The following ADAMTS8 variants were observed in gnomAD, a reference collection of about 807,000 sequenced individuals.
ADAMTS8 encodes the protein ADAM metallopeptidase with thrombospondin type 1 motif 8, also known as A disintegrin and metalloproteinase with thrombospondin motifs 8.
ADAMTS8 carries 50 observed loss-of-function variants against 64.4 expected under a neutral mutation model. The ratio of observed to expected loss-of-function variants is 0.78; its 90% CI spans 0.62 to 0.98. The LOEUF is 0.98. Among genes scored for constraint, ADAMTS8 ranks in the 50% least tolerant of loss-of-function variants. The pLI is 0.00. For synonymous variants in ADAMTS8, 556 were observed against 533.6 expected (o/e 1.04, Z -0.58); for missense variants, 1,192 against 1,208.2 (o/e 0.99, Z 0.20).
chr11:130,422,252 C>T (rs1862109445), intron 1 of ADAMTS8, among the ~76,000 whole-genome samples: 6 of 151,820 alleles, frequency 4.0e-5, no homozygotes, highest in Admixed American at 3.9e-4. Flanking sequence ...ATAGTGAGAT[C>T]CTGTCTCTAT....
rs966766773 is a variant in ADAMTS8, at chr11:130,409,723, G to A, written c.1751-783C>T. ...GCCTGCCTCCTCTCCATCCTGCCAC[G>A]TGCTGCTGCCAGACCAACCCATCTG... On this transcript the variant is annotated intron_variant, in intron 6 of 8. Transcript: ENST00000257359. Among the ~76,000 whole-genome samples the A allele has an allele frequency of 2.0e-4, 31 of 152,326 alleles. 1 individual carries two copies. The highest frequency in any genetic ancestry group is 7.5e-4 in the African/African-American group (31 of 41,572).
rs532999420 is a variant in ADAMTS8 at position 130,427,751 on chromosome 11, C to T, written c.536G>A (p.Arg179Lys). Residue 179 changes from arginine (R) to lysine (K), a missense_variant, in exon 1 of 9, where the codon AGA (arginine) becomes AAA (lysine). Physicochemically the swap from Arg to Lys is conservative, Grantham distance 26. Around this residue, in one of 5 missense-constraint regions of ADAMTS8, gnomAD observed 741 missense variants for 710.6 expected, o/e 1.04. Coordinates refer to ENST00000257359, the MANE Select transcript of ADAMTS8 (RefSeq NM_007037.6). ...CTCGCTGTCCTCCTGGTGGTCTCCT[C>T]TCTCCTGCCTCTGACCCTCTCCCGT... is the stretch of plus-strand genomic sequence containing the variant. ...VETGEGQRQE[R>K]GDHQEDSEEE... 2 of 1,595,344 alleles carry T rather than the reference C, an allele frequency of 1.3e-6. No homozygotes were observed. The highest frequency in any genetic ancestry group is 1.7e-4 in the Middle Eastern group (1 of 6,028).
In ADAMTS8 at chr11:130,419,067, G is replaced by C. The variant is rs770967510; in HGVS notation, c.946C>G (p.Leu316Val). The C allele has an allele frequency of 1.9e-6, 3 of 1,614,154 alleles. No homozygotes were observed. Among genetic ancestry groups the C allele is most frequent in the Non-Finnish European group, 2.5e-6 (3 of 1,180,048 alleles). The change falls in exon 2 of 9, where the codon CTG becomes GTG. Residue 316 changes from leucine to valine, a missense_variant. Physicochemically the swap from Leu to Val is conservative, Grantham distance 32. Around this residue, in one of 5 missense-constraint regions of ADAMTS8, gnomAD observed 741 missense variants for 710.6 expected, o/e 1.04. Transcript: ENST00000257359. ...RHPEHYDTAI[L>V]LTRQNFCGQE... Reference sequence around the variant, plus strand: ...CAGGCACGGACCTGTCTGGTGAGCAGGATGGCCGTGTCGTAGTGCTCTGGG... The same window carrying C: ...CAGGCACGGACCTGTCTGGTGAGCACGATGGCCGTGTCGTAGTGCTCTGGG...
At position 130,414,778 on chromosome 11, in the gene ADAMTS8, G is replaced by A. The variant is rs774228551; in HGVS notation, c.1319C>T (p.Pro440Leu). The A allele has an allele frequency of 1.5e-5, 24 of 1,613,096 alleles. No individual in the cohort carries two copies. Among genetic ancestry groups the A allele is most frequent in the Middle Eastern group, 1.6e-4 (1 of 6,062 alleles). ...AAALPLPTGL[P>L]GRMALYQLDQ... is the part of the protein sequence containing the mutation. The stretch of plus-strand genomic sequence containing the variant: ...CAGCTGGTACAGGGCCATGCGGCCC[G>A]GGAGGCCTGTGGGGAGGGGCAGGGC... Residue 440 changes from proline to leucine, a missense_variant, in exon 5 of 9, where the codon CCG becomes CTG. Coordinates refer to ENST00000257359, the MANE Select transcript of ADAMTS8 (RefSeq NM_007037.6).
chr11:130,405,444 G>A lies in ADAMTS8; in HGVS notation c.*114C>T. 3 of 1,496,276 alleles carry A rather than the reference G, an allele frequency of 2.0e-6. No individual in the cohort carries two copies. Among genetic ancestry groups the A allele is most frequent in the South Asian group, 2.7e-5 (2 of 73,556 alleles). The allele number at this position is 1,496,276 out of a possible 1,614,324, so 92.7% of individuals were successfully genotyped here. On this transcript the variant is annotated 3_prime_UTR_variant, in exon 9 of 9. Transcript: ENST00000257359. Reference sequence around the variant, plus strand: ...GGGGTTGCGGCAATGGGAGGCCTGGGTGGGCCGTGCTGCCTTGATATGGCC... The same window carrying A: ...GGGGTTGCGGCAATGGGAGGCCTGGATGGGCCGTGCTGCCTTGATATGGCC...
chr11:130,406,956 A>T (rs1401962427), intron 8 of ADAMTS8, among the ~76,000 whole-genome samples: 1 of 152,150 alleles, frequency 6.6e-6, no homozygotes, highest in Non-Finnish European at 1.5e-5. Flanking sequence ...GCTTAGTTTC[A>T]GACTCTTAGA....
chr11:130,414,152 C>T (rs1418063370), intron 5 of ADAMTS8, among the ~76,000 whole-genome samples: 2 of 144,228 alleles, frequency 1.4e-5, no homozygotes, highest in Non-Finnish European at 3.0e-5. Context: ...GAGACAGGGT[C>T]TCCCTCTGTT....
chr11:130,410,904 TG>T (rs1454753950), intron 6 of ADAMTS8, among the ~76,000 whole-genome samples: 7 of 152,208 alleles, frequency 4.6e-5, no homozygotes, highest in Admixed American at 3.9e-4. Context: ...AGAAGGAATG[TG>T]AACAGGAATC....
At position 130,414,601 on chromosome 11, in the gene ADAMTS8, G is replaced by A. The variant is rs373125600; in HGVS notation, c.1496C>T (p.Thr499Met). 1.4e-4 allele frequency: 232 copies of A among 1,613,316 alleles called. 1 individual carries two copies. The highest frequency in any genetic ancestry group is 5.2e-4 in the African/African-American group (39 of 75,048). The change falls in exon 5 of 9, where the codon ACG (threonine) becomes ATG (methionine). Residue 499 changes from threonine (T) to methionine (M), a missense_variant. Thr to Met is a moderately conservative substitution (Grantham distance 81). Transcript: ENST00000257359. ...KNGSLPWADG[T>M]PCGPGHLCSE... The stretch of plus-strand genomic sequence containing the variant: ...GCAGAGGTGCCCAGGCCCGCACGGC[G>A]TGCCGTCAGCCCAGGGCAGGCTGCC...
In ADAMTS8 at chr11:130,416,128, A is replaced by G. The variant is rs755086789; in HGVS notation, c.1264+35T>C. 6.5e-6 allele frequency: 10 copies of G among 1,531,152 alleles called. No individual in the cohort carries two copies. The highest frequency in any genetic ancestry group is 8.8e-6 in the Non-Finnish European group (10 of 1,136,566). The allele number at this position is 1,531,152 out of a possible 1,614,324, so 94.8% of individuals were successfully genotyped here. A position where few individuals can be genotyped will look rare whatever the true frequency, so the allele number is the denominator to read the frequency against. On this transcript the variant is annotated intron_variant, in intron 4 of 8. Coordinates refer to ENST00000257359, the MANE Select transcript of ADAMTS8 (RefSeq NM_007037.6). This position sits in a 1 kb window ranked among gnomAD's most constrained non-coding sequence, Gnocchi z 4.8. ...CGCCAGCACCAGTGGAAGGAGGCCC[A>G]CGGGGACAAGTAGGGCGGGGCCGCC...
chr11:130,406,586 C>T (rs1360606070), intron 8 of ADAMTS8, among the ~76,000 whole-genome samples: 4 of 152,136 alleles, frequency 2.6e-5, no homozygotes, highest in East Asian at 1.9e-4. Context: ...CCTTCCAGAA[C>T]GTGAACAGGA....
rs149808099 is a variant in ADAMTS8, at chr11:130,417,690, G to A, written c.961-615C>T. On this transcript the variant is annotated intron_variant, in intron 2 of 8. Transcript: ENST00000257359. ...TGATTCTCTCACCTCAGCCTCCCAAGTAGCTGGGACTACAGCCGCTTGCCA... is the reference window on the plus strand; with the variant it reads ...TGATTCTCTCACCTCAGCCTCCCAAATAGCTGGGACTACAGCCGCTTGCCA... Among the ~76,000 whole-genome samples the A allele has an allele frequency of 4.5e-3, 672 of 148,968 alleles. 6 individuals carry two copies. Among genetic ancestry groups the A allele is most frequent in the African/African-American group, 0.017 (643 of 38,470 alleles).
At chr11:130,413,583 A>C (rs1861980289) in intron 5 of ADAMTS8, among the ~76,000 whole-genome samples, 1 of 152,200 alleles carries the variant, frequency 6.6e-6, no homozygotes, top group South Asian at 2.1e-4. Context: ...GTTTGGATGT[A>C]TTCAGAGCAG....
At chr11:130,409,656 C>T (rs906396023) in intron 6 of ADAMTS8, among the ~76,000 whole-genome samples, 1 of 152,266 alleles carries the variant, frequency 6.6e-6, no homozygotes, top group African/African-American at 2.4e-5. Context: ...ATCCCACTCT[C>T]ACCACCACAA....
intron 1 of ADAMTS8, among the ~76,000 whole-genome samples, chr11:130,425,321 A>G (rs1862149548): frequency 6.6e-6 from 1 of 152,140 alleles, no homozygotes. Context: ...GTCTGCCTCT[A>G]GATAGCTAGG....
intron 8 of ADAMTS8, among the ~76,000 whole-genome samples, chr11:130,407,139 G>A (rs929977593): frequency 2.6e-5 from 4 of 152,160 alleles, no homozygotes; most frequent in African/African-American, 7.2e-5. Context: ...AGGCCAAGGC[G>A]GGCGGATCAC....
intron 1 of ADAMTS8, among the ~76,000 whole-genome samples, chr11:130,420,238 C>T (rs934456866): frequency 1.3e-5 from 2 of 152,186 alleles, no homozygotes; most frequent in Non-Finnish European, 2.9e-5. Flanking sequence ...CTTGGGATCT[C>T]ACCTGCTCTC....
chr11:130,423,758 AG>A (rs1862129051), intron 1 of ADAMTS8, among the ~76,000 whole-genome samples: 1 of 152,182 alleles, frequency 6.6e-6, no homozygotes, highest in African/African-American at 2.4e-5. Flanking sequence ...GGCTGGCGAG[AG>A]TGGGCACTGC....
chr11:130,421,163 A>G (rs1259193344), intron 1 of ADAMTS8, among the ~76,000 whole-genome samples: 3 of 152,204 alleles, frequency 2.0e-5, no homozygotes, highest in Admixed American at 2.0e-4. Context: ...ACAAGGAGCT[A>G]AAGACAGGAG....
Sources: gnomAD v4.1 joint callset for allele counts (sites outside exome capture counted in the v4.1 genomes callset) on GRCh38, gnomAD v4.1.1 for gene constraint, gnomAD v4.1.1 regional missense constraint, Gnocchi (gnomAD v3.1) non-coding constraint, MANE v1.5 for transcripts, NCBI Gene and HGNC (gene_info 2026-07-23, HGNC 2026-07-21) for gene names.